Variants in MAD1L1 observed in about 807,000 individuals in gnomAD.
MAD1L1 encodes the protein mitotic arrest deficient 1 like 1, also known as mitotic spindle assembly checkpoint protein MAD1.
In MAD1L1, 95 loss-of-function variants were observed where a neutral mutation model predicts 96.9. That is an observed-to-expected ratio of 0.98 (90% CI 0.83 to 1.16). The LOEUF (loss-of-function observed/expected upper bound fraction) is 1.16. Among genes scored for constraint, MAD1L1 ranks in the 50% most tolerant of loss-of-function variants. The pLI is 0.00. For missense variants in MAD1L1, 1,007 were observed against 954.4 expected (o/e 1.06, Z -0.73); for synonymous variants, 473 against 396.6 (o/e 1.19, Z -2.29).
chr7:2,042,849 C>G (rs1250621745), intron 12 of MAD1L1, among the ~76,000 whole-genome samples: 1 of 151,948 alleles, frequency 6.6e-6, no homozygotes, highest in Non-Finnish European at 1.5e-5. Flanking sequence ...CAAGAACGGA[C>G]TAATACACCT....
At chr7:1,867,550 C>T (rs896909032) in intron 18 of MAD1L1, among the ~76,000 whole-genome samples, 2 of 152,226 alleles carry the variant, frequency 1.3e-5, no homozygotes, top group Admixed American at 6.5e-5. Flanking sequence ...TGAGTAGGAG[C>T]GAGGTGGGCC....
intron 11 of MAD1L1, among the ~76,000 whole-genome samples, chr7:2,076,005 A>C (rs1785355917): frequency 6.6e-6 from 1 of 152,194 alleles, no homozygotes; most frequent in Admixed American, 6.5e-5. Context: ...ACAGGCTCTG[A>C]GAGAGGCCAG....
At chr7:2,094,095 T>C (rs1166527132) in intron 11 of MAD1L1, among the ~76,000 whole-genome samples, 1 of 152,172 alleles carries the variant, frequency 6.6e-6, no homozygotes. Flanking sequence ...GGGAGCCCGC[T>C]GGGAGCACAC....
chr7:1,918,038 G>T (rs537779683), intron 17 of MAD1L1, among the ~76,000 whole-genome samples: 7 of 152,120 alleles, frequency 4.6e-5, no homozygotes, highest in Admixed American at 1.3e-4. Flanking sequence ...CTGAATCGTG[G>T]GCCCACATAT....
intron 18 of MAD1L1, among the ~76,000 whole-genome samples, chr7:1,830,473 A>T (rs560211480): frequency 6.6e-6 from 1 of 152,352 alleles, no homozygotes; most frequent in Admixed American, 6.5e-5. Context: ...CCTTCCATGA[A>T]TGAGGGGTGG....
chr7:2,207,344 C>T (rs1364326295), intron 10 of MAD1L1, among the ~76,000 whole-genome samples: 1 of 152,158 alleles, frequency 6.6e-6, no homozygotes, highest in East Asian at 1.9e-4. Flanking sequence ...TTGGCAGCCC[C>T]CAGGCAGCTT....
At chr7:2,039,931 T>C (rs1055435706) in intron 12 of MAD1L1, among the ~76,000 whole-genome samples, 2 of 151,700 alleles carry the variant, frequency 1.3e-5, no homozygotes, top group African/African-American at 2.4e-5. Flanking sequence ...CAAAAATAAG[T>C]GAAATAAAGA....
intron 11 of MAD1L1, among the ~76,000 whole-genome samples, chr7:2,106,088 A>C: frequency 8.8e-6 from 1 of 113,800 alleles, no homozygotes; most frequent in Non-Finnish European, 1.8e-5. Flanking sequence ...ACACAGCGCC[A>C]GCCATCACAC....
At chr7:1,902,454 G>A (rs1405426494) in intron 17 of MAD1L1, among the ~76,000 whole-genome samples, 1 of 152,202 alleles carries the variant, frequency 6.6e-6, no homozygotes, top group Non-Finnish European at 1.5e-5. Context: ...CTTTCAGAAG[G>A]AGGGAAAAGG....
chr7:2,156,361 G>A (rs1471838662), intron 10 of MAD1L1, among the ~76,000 whole-genome samples: 2 of 152,188 alleles, frequency 1.3e-5, no homozygotes, highest in African/African-American at 2.4e-5. Flanking sequence ...CTAATGGCAT[G>A]GACCACCTGC....
intron 18 of MAD1L1, among the ~76,000 whole-genome samples, chr7:1,873,099 C>T (rs947660411): frequency 7.9e-5 from 12 of 152,214 alleles, no homozygotes; most frequent in Non-Finnish European, 1.5e-4. Flanking sequence ...CGTGGAGGAG[C>T]GGGGAGGAGC....
At chr7:2,162,724 A>ACC (rs1481201921) in intron 10 of MAD1L1, among the ~76,000 whole-genome samples, 10 of 151,878 alleles carry the variant, frequency 6.6e-5, no homozygotes, top group Admixed American at 1.3e-4. Flanking sequence ...AAAAAAAAAA[A>ACC]AACGTAATGG....
At chr7:1,874,056 T>C (rs1278173568) in intron 18 of MAD1L1, among the ~76,000 whole-genome samples, 2 of 152,060 alleles carry the variant, frequency 1.3e-5, no homozygotes, top group Non-Finnish European at 2.9e-5. Context: ...GAGCACCCCA[T>C]GCTAGGGTCG....
chr7:1,844,923 GGTCA>G (rs1783507470), intron 18 of MAD1L1, among the ~76,000 whole-genome samples: 1 of 152,242 alleles, frequency 6.6e-6, no homozygotes, highest in Admixed American at 6.5e-5. Context: ...GTATGCTGCT[GGTCA>G]GTGAGTGGGC....
chr7:2,152,225 C>T (rs989843124), intron 10 of MAD1L1, among the ~76,000 whole-genome samples: 12 of 152,194 alleles, frequency 7.9e-5, no homozygotes, highest in African/African-American at 2.9e-4. Context: ...ATCCCTAGGC[C>T]CCCAGATCCC....
chr7:1,819,552 C>G (rs1315370849), intron 18 of MAD1L1, among the ~76,000 whole-genome samples: 1 of 152,178 alleles, frequency 6.6e-6, no homozygotes, highest in Non-Finnish European at 1.5e-5. Context: ...ACACGTGGGC[C>G]AGGGATTGTG....
intron 12 of MAD1L1, among the ~76,000 whole-genome samples, chr7:2,016,295 C>T (rs978060605): frequency 1.2e-4 from 18 of 152,308 alleles, no homozygotes; most frequent in African/African-American, 4.1e-4. Flanking sequence ...AGCGTGCTCC[C>T]CACCAGGTGA....
At chr7:1,859,693 G>C (rs1245074227) in intron 18 of MAD1L1, among the ~76,000 whole-genome samples, 4 of 152,194 alleles carry the variant, frequency 2.6e-5, no homozygotes, top group Non-Finnish European at 4.4e-5. Flanking sequence ...GCTCTCCGTA[G>C]ACCTGACACC....
At chr7:1,881,698 G>A (rs1396699503) in intron 18 of MAD1L1, among the ~76,000 whole-genome samples, 1 of 152,184 alleles carries the variant, frequency 6.6e-6, no homozygotes, top group East Asian at 1.9e-4. Flanking sequence ...GACAGAGCAG[G>A]AAACAAAACG....
Sources: gnomAD v4.1 joint callset for allele counts (sites outside exome capture counted in the v4.1 genomes callset) on GRCh38, gnomAD v4.1.1 for gene constraint, MANE v1.5 for transcripts, NCBI Gene and HGNC (gene_info 2026-07-23, HGNC 2026-07-21) for gene names.